Variants in PNKD observed in about 807,000 individuals in gnomAD.
PNKD encodes the protein probable thioesterase PNKD.
In PNKD, 36 loss-of-function variants were observed where a neutral mutation model predicts 45.3. The observed-to-expected ratio is 0.80, with a 90% CI of 0.61 to 1.05. The LOEUF (loss-of-function observed/expected upper bound fraction) is 1.05, where lower values mean the gene tolerates loss of function less well. Among genes scored for constraint, PNKD ranks in the 50% least tolerant of loss-of-function variants. The pLI, the probability that PNKD is intolerant of heterozygous loss-of-function variation, is 0.00. For synonymous variants in PNKD, 197 were observed against 210.1 expected (o/e 0.94, Z 0.54); for missense variants, 511 against 506.6 (o/e 1.01, Z -0.08).
chr2:218,275,610 G>T, intron 2 of PNKD: 7 of 1,611,792 alleles, frequency 4.3e-6, no homozygotes, highest in Non-Finnish European at 5.9e-6. Context: ...GCTGTGTGTC[G>T]TAAGCCAGGA....
chr2:218,326,248 C>T lies in PNKD; in HGVS notation c.237-13535C>T, dbSNP rs1694153800. On this transcript the variant is annotated intron_variant, in intron 2 of 9. Transcript: ENST00000273077. This position sits in a 1 kb window ranked among gnomAD's most constrained non-coding sequence, Gnocchi z 4.1. ...CCATGTTATCATTAGTAATCATCATCCCTGGTGTTTGGCAATTTAATAAAA... is the reference window on the plus strand; with the variant it reads ...CCATGTTATCATTAGTAATCATCATTCCTGGTGTTTGGCAATTTAATAAAA... Among the ~76,000 whole-genome samples, 1 of 152,232 alleles carries T rather than the reference C, an allele frequency of 6.6e-6. No homozygotes were observed. The highest frequency in any genetic ancestry group is 1.5e-5 in the Non-Finnish European group (1 of 67,994).
At chr2:218,318,910 TACATA>T (rs1693893397) in intron 2 of PNKD, among the ~76,000 whole-genome samples, 1 of 151,752 alleles carries the variant, frequency 6.6e-6, no homozygotes, top group Non-Finnish European at 1.5e-5. Context: ...ATGTATACTT[TACATA>T]TAGTAAAGTG....
In PNKD at chr2:218,344,961, G is replaced by A. The variant is rs747908967; in HGVS notation, c.1138G>A (p.Asp380Asn). ...CCTGGAAGAGCTCCGCCGGCTGAAGGATATGCACAAGAGCAAGTGATGCCC... is the reference window on the plus strand; with the variant it reads ...CCTGGAAGAGCTCCGCCGGCTGAAGAATATGCACAAGAGCAAGTGATGCCC... ...QLLEELRRLK[D>N]MHKSK The change falls in exon 10 of 10, where the codon GAT (aspartate) becomes AAT (asparagine). Residue 380 changes from aspartate (D) to asparagine (N), a missense_variant. Asp to Asn is a conservative substitution (Grantham distance 23). Transcript: ENST00000273077. 9.3e-6 allele frequency: 15 copies of A among 1,613,756 alleles called. No individual in the cohort carries two copies. The highest frequency in any genetic ancestry group is 1.3e-5 in the Non-Finnish European group (15 of 1,179,906).
intron 2 of PNKD, chr2:218,334,599 G>A: frequency 1.5e-6 from 1 of 664,256 alleles, no homozygotes; most frequent in Non-Finnish European, 2.7e-6. Flanking sequence ...GCTGCAGTGA[G>A]CTATGGATCA....
intron 2 of PNKD, among the ~76,000 whole-genome samples, chr2:218,320,155 T>C (rs1227645342): frequency 2.0e-5 from 3 of 152,252 alleles, no homozygotes; most frequent in African/African-American, 7.2e-5. Flanking sequence ...GTATGTAATA[T>C]GTACCTGGCA....
chr2:218,299,124 T>C (rs553585361), intron 2 of PNKD, among the ~76,000 whole-genome samples: 1 of 151,976 alleles, frequency 6.6e-6, no homozygotes, highest in Non-Finnish European at 1.5e-5. Flanking sequence ...TTATTTATTT[T>C]ATTTTATTTT....
At chr2:218,343,027 A>C (rs1324966797) in intron 7 of PNKD, among the ~76,000 whole-genome samples, 1 of 152,234 alleles carries the variant, frequency 6.6e-6, no homozygotes, top group East Asian at 1.9e-4. Flanking sequence ...GTAGCTGAGT[A>C]AAGCCCTGCA....
At chr2:218,331,836 G>A (rs1194743929) in intron 2 of PNKD, among the ~76,000 whole-genome samples, 3 of 152,184 alleles carry the variant, frequency 2.0e-5, no homozygotes, top group East Asian at 1.9e-4. Flanking sequence ...ATAACAATAC[G>A]TGCTTGAGCT....
intron 2 of PNKD, among the ~76,000 whole-genome samples, chr2:218,285,089 C>A (rs1433440056): frequency 6.6e-6 from 1 of 152,004 alleles, no homozygotes; most frequent in Non-Finnish European, 1.5e-5. Context: ...GACTTTGTCT[C>A]GAAGAAAATA....
chr2:218,272,907 C>G (rs2106179681), intron 2 of PNKD: 3 of 1,545,120 alleles, frequency 1.9e-6, no homozygotes, highest in Non-Finnish European at 2.6e-6. Context: ...AAGGAGCCAG[C>G]CAAAGGCAAA....
At chr2:218,271,181 G>T in intron 1 of PNKD, 200 bp from the exon 2 acceptor site, 1 of 630,724 alleles carries the variant, frequency 1.6e-6, no homozygotes, top group South Asian at 1.8e-5. Flanking sequence ...GCAGTGACGT[G>T]GAAGTGGCTT....
At chr2:218,278,106 T>C in intron 2 of PNKD, 1 of 998,714 alleles carries the variant, frequency 1.0e-6, no homozygotes, top group Non-Finnish European at 1.5e-6. Context: ...GAGGTTGGCA[T>C]GGCCTTTGGC....
chr2:218,298,119 T>C (rs188549863), intron 2 of PNKD, among the ~76,000 whole-genome samples: 7 of 152,228 alleles, frequency 4.6e-5, no homozygotes, highest in Admixed American at 4.6e-4. Context: ...ATGGCGGATG[T>C]TGATGGTGAC....
intron 2 of PNKD, among the ~76,000 whole-genome samples, chr2:218,310,240 T>G (rs1693561567): frequency 6.6e-6 from 1 of 152,114 alleles, no homozygotes; most frequent in Non-Finnish European, 1.5e-5. Context: ...TTTGTTTTTT[T>G]GAGACGGAAT....
At chr2:218,306,415 T>C (rs1693403688) in intron 2 of PNKD, among the ~76,000 whole-genome samples, 1 of 152,164 alleles carries the variant, frequency 6.6e-6, no homozygotes. Context: ...CCAGGACAGA[T>C]GCTGATGTTG....
At chr2:218,302,240 C>T (rs191774483) in intron 2 of PNKD, among the ~76,000 whole-genome samples, 209 of 152,096 alleles carry the variant, frequency 1.4e-3, no homozygotes, top group Non-Finnish European at 9.6e-4. Context: ...CCCAGCTACT[C>T]GGGAGGCTGA....
chr2:218,322,347 C>G (rs1694010222), intron 2 of PNKD, among the ~76,000 whole-genome samples: 2 of 152,234 alleles, frequency 1.3e-5, no homozygotes, highest in African/African-American at 4.8e-5. Flanking sequence ...CCACGCCTGT[C>G]CTCACACCTG....
At chr2:218,311,104 A>G (rs1693602127) in intron 2 of PNKD, among the ~76,000 whole-genome samples, 2 of 152,162 alleles carry the variant, frequency 1.3e-5, no homozygotes, top group Admixed American at 1.3e-4. Context: ...CCTGTCCTTA[A>G]GTAACACATG....
At position 218,271,458 on chromosome 2, in the gene PNKD, G is replaced by A. The variant is rs995784509; in HGVS notation, c.145G>A (p.Gly49Ser). 12 of 1,613,964 alleles carry A rather than the reference G, an allele frequency of 7.4e-6. No homozygotes were observed. Among genetic ancestry groups the A allele is most frequent in the Non-Finnish European group, 1.0e-5 (12 of 1,179,984 alleles). Residue 49 changes from glycine to serine, a missense_variant, in exon 2 of 10, where the codon GGC (glycine) becomes AGC (serine). Physicochemically the swap from Gly to Ser is moderately conservative, Grantham distance 56 (BLOSUM62 0). Coordinates refer to ENST00000273077, the MANE Select transcript of PNKD (RefSeq NM_015488.5). ...RALQSHSSPEGKEEPEPLSPE... is the reference protein window; with the variant it reads ...RALQSHSSPESKEEPEPLSPE... ...CCTGCAAAGCCACAGCTCCCCAGAG[G>A]GCAAGGAGGAACCTGAACCCCTATC... is the stretch of plus-strand genomic sequence containing the variant.
Sources: allele counts gnomAD v4.1 joint callset (sites outside exome capture counted in the v4.1 genomes callset), GRCh38; gene constraint gnomAD v4.1.1; non-coding constraint Gnocchi (gnomAD v3.1); transcripts MANE v1.5; gene names NCBI Gene and HGNC (gene_info 2026-07-23, HGNC 2026-07-21).